Variants in RFC3 observed in about 807,000 individuals in gnomAD.
RFC3 encodes replication factor C subunit 3.
Under a neutral mutation model 45.1 loss-of-function variants are expected in RFC3, and 41 were observed. That is an observed-to-expected ratio of 0.91 (90% CI 0.71 to 1.18). The LOEUF is 1.18. Ranked by LOEUF, RFC3 falls within the 50% of genes most tolerant of loss-of-function variation. The pLI, the probability that RFC3 is intolerant of heterozygous loss-of-function variation, is 0.00. For synonymous variants in RFC3, 149 were observed against 144.0 expected, an observed-to-expected ratio of 1.03 and a Z score of -0.25; for missense variants, 423 against 428.1, an observed-to-expected ratio of 0.99 and a Z score of 0.10.
Position 33,834,111 on chromosome 13 carries a change from G to A in RFC3, c.810-1037G>A, listed in dbSNP as rs1177729039. 2.1e-4 allele frequency among the ~76,000 whole-genome samples: 31 copies of A among 148,986 alleles called. 1 individual carries two copies. Among genetic ancestry groups the A allele is most frequent in the Admixed American group, 2.1e-3 (31 of 14,936 alleles). On this transcript the variant is annotated intron_variant, in intron 7 of 8. Transcript: ENST00000380071. ...GTGTAAGTACTGAGTTAAATTATTT[G>A]TTTCAATTCTTACACATAGCAGATG... is the stretch of plus-strand genomic sequence containing the variant.
intron 8 of RFC3, among the ~76,000 whole-genome samples, chr13:33,923,248 G>A (rs950389713): frequency 6.6e-6 from 1 of 152,018 alleles, no homozygotes; most frequent in African/African-American, 2.4e-5. Flanking sequence ...AGACCAAAGA[G>A]ACAGCCGATC....
chr13:33,843,866 C>T (rs752224027), intron 8 of RFC3, among the ~76,000 whole-genome samples: 10 of 152,136 alleles, frequency 6.6e-5, no homozygotes, highest in Admixed American at 1.3e-4. Flanking sequence ...TGTTAGCTAC[C>T]GAAACCAAAT....
chr13:33,838,258 G>A (rs2149847), downstream of RFC3, among the ~76,000 whole-genome samples: 123,206 of 152,034 alleles, frequency 0.81, 51,396 homozygotes, highest in Non-Finnish European at 0.93. Flanking sequence ...TATTTCTAAT[G>A]ATATTCCTTA....
chr13:33,879,858 T>C lies in RFC3; in HGVS notation c.879+44641T>C, dbSNP rs555286648. On this transcript the variant is annotated intron_variant, in intron 8 of 8. Transcript: ENST00000434425. ...TTTGGAGACTCTAGGACAGAATCTGTTTTCTTGCCTTTCCCAGCTTCCAGA... is the reference window on the plus strand; with the variant it reads ...TTTGGAGACTCTAGGACAGAATCTGCTTTCTTGCCTTTCCCAGCTTCCAGA... Among the ~76,000 whole-genome samples, 5 of 152,304 alleles carry C rather than the reference T, an allele frequency of 3.3e-5. No homozygotes were observed. The East Asian group carries it at 9.6e-4, about 29-fold the overall frequency.
chr13:33,880,695 C>G (rs1461434874), intron 8 of RFC3, among the ~76,000 whole-genome samples: 1 of 152,166 alleles, frequency 6.6e-6, no homozygotes, highest in Non-Finnish European at 1.5e-5. Context: ...TAGATCAACT[C>G]TGAATACCAC....
intron 8 of RFC3, among the ~76,000 whole-genome samples, chr13:33,912,215 T>C (rs550086037): frequency 6.6e-6 from 1 of 152,198 alleles, no homozygotes; most frequent in South Asian, 2.1e-4. Context: ...TTAGTATTTA[T>C]TTAGTCCATT....
chr13:33,821,896 T>C (rs767851259), intron 2 of RFC3, among the ~76,000 whole-genome samples: 2 of 152,262 alleles, frequency 1.3e-5, no homozygotes, highest in Non-Finnish European at 2.9e-5. Context: ...ATAGTACTTA[T>C]TTTGTTTTGC....
At chr13:33,840,972 C>A (rs1278229167), downstream of RFC3, among the ~76,000 whole-genome samples, 1 of 152,180 alleles carries the variant, frequency 6.6e-6, no homozygotes, top group Non-Finnish European at 1.5e-5. Flanking sequence ...CAGGGGTCCT[C>A]AGCCCCCTGT....
At chr13:33,864,082 G>A (rs909947276) in intron 8 of RFC3, among the ~76,000 whole-genome samples, 9 of 152,160 alleles carry the variant, frequency 5.9e-5, no homozygotes, top group African/African-American at 2.2e-4. Flanking sequence ...GGTGGAAGGC[G>A]ATGGGGGACC....
At chr13:33,927,644 G>A (rs991603871) in intron 8 of RFC3, among the ~76,000 whole-genome samples, 1 of 152,098 alleles carries the variant, frequency 6.6e-6, no homozygotes, top group Admixed American at 6.6e-5. Context: ...CTCCCATCAT[G>A]GCCCTGGCTC....
the RFC3 span, among the ~76,000 whole-genome samples, chr13:33,974,080 G>A: frequency 2.0e-5 from 3 of 152,140 alleles, no homozygotes; most frequent in Non-Finnish European, 2.9e-5. Flanking sequence ...GCTAATAAGA[G>A]TGCAGAGGCT....
chr13:33,882,356 G>A (rs555809582), intron 8 of RFC3, among the ~76,000 whole-genome samples: 30 of 152,248 alleles, frequency 2.0e-4, no homozygotes, highest in East Asian at 3.9e-4. Context: ...TAGTCAGGAC[G>A]CATAACTGCT....
intron 8 of RFC3, among the ~76,000 whole-genome samples, chr13:33,869,913 C>T (rs1177842200): frequency 1.3e-5 from 2 of 152,078 alleles, no homozygotes; most frequent in East Asian, 1.9e-4. Flanking sequence ...AGATGGTCAG[C>T]GTAAAAAACC....
chr13:33,959,414 G>A (rs989278093), intron 8 of RFC3, among the ~76,000 whole-genome samples: 1 of 152,060 alleles, frequency 6.6e-6, no homozygotes, highest in African/African-American at 2.4e-5. Flanking sequence ...CACAAATGAC[G>A]ATTTTGAACA....
At chr13:33,957,679 T>C (rs2083030376) in intron 8 of RFC3, among the ~76,000 whole-genome samples, 1 of 152,160 alleles carries the variant, frequency 6.6e-6, no homozygotes, top group Admixed American at 6.5e-5. Flanking sequence ...AACATGTCAC[T>C]GTGATGGCTG....
chr13:33,881,459 T>C (rs149208725), intron 8 of RFC3, among the ~76,000 whole-genome samples: 158 of 152,314 alleles, frequency 1.0e-3, no homozygotes, highest in African/African-American at 3.6e-3. Flanking sequence ...GAGCTTCATC[T>C]TCCTGTCCAT....
At chr13:33,821,297 A>C (rs752607124) in intron 2 of RFC3, 28 bp downstream of exon 2, 1 of 1,609,526 alleles carries the variant, frequency 6.2e-7, no homozygotes, top group East Asian at 2.2e-5. Context: ...AGGCCCTGAA[A>C]GTAATTTATA....
intron 8 of RFC3, chr13:33,966,031 C>T: frequency 8.0e-7 from 1 of 1,257,230 alleles, no homozygotes; most frequent in Non-Finnish European, 1.2e-6. Flanking sequence ...TATGGAATCT[C>T]ATTCATAGTA....
chr13:33,865,905 A>C (rs2082370460), intron 8 of RFC3, among the ~76,000 whole-genome samples: 1 of 152,026 alleles, frequency 6.6e-6, no homozygotes, highest in Admixed American at 6.6e-5. Context: ...AATACACACA[A>C]AAAATTAGCT....
Sources: allele counts gnomAD v4.1 joint callset (sites outside exome capture counted in the v4.1 genomes callset), GRCh38; gene constraint gnomAD v4.1.1; transcripts MANE v1.5; gene names NCBI Gene and HGNC (gene_info 2026-07-23, HGNC 2026-07-21).